The following PLPP4 variants were observed in gnomAD, a reference collection of about 807,000 sequenced individuals.
PLPP4 encodes phospholipid phosphatase 4.
In PLPP4, 20 loss-of-function variants were observed where a neutral mutation model predicts 32.2. The ratio of observed to expected loss-of-function variants is 0.62; its 90% confidence interval spans 0.44 to 0.90. The LOEUF (loss-of-function observed/expected upper bound fraction) is 0.90, where lower values mean the gene tolerates loss of function less well. PLPP4 is among the 40% of genes least tolerant of loss of function. The pLI is 0.00. For missense variants in PLPP4, 257 were observed against 353.1 expected (o/e 0.73, Z 2.18); for synonymous variants, 127 against 133.0 (o/e 0.95, Z 0.31).
chr10:120,523,960 C>T (rs148976662), intron 5 of PLPP4, among the ~76,000 whole-genome samples: 1 of 152,324 alleles, frequency 6.6e-6, no homozygotes, highest in Non-Finnish European at 1.5e-5. Flanking sequence ...CGCACCCTCC[C>T]CTCCAACCAG....
At chr10:120,532,407 A>G (rs1846781870) in intron 5 of PLPP4, among the ~76,000 whole-genome samples, 2 of 152,208 alleles carry the variant, frequency 1.3e-5, no homozygotes, top group Non-Finnish European at 2.9e-5. Flanking sequence ...ATAGCATTAT[A>G]TTAGATCTTG....
At chr10:120,493,426 G>A (rs1335620321) in intron 1 of PLPP4, among the ~76,000 whole-genome samples, 1 of 152,198 alleles carries the variant, frequency 6.6e-6, no homozygotes, top group East Asian at 1.9e-4. Context: ...TGTGGTTCCA[G>A]TGTCAGGGGC....
chr10:120,551,255 A>C (rs1455380591), intron 5 of PLPP4, among the ~76,000 whole-genome samples: 3 of 152,210 alleles, frequency 2.0e-5, no homozygotes, highest in Admixed American at 6.5e-5. Flanking sequence ...TATGGATTTA[A>C]GTGTAATTCT....
At chr10:120,575,050 G>A (rs77673052) in intron 5 of PLPP4, 81 bp from the exon 6 acceptor site, 71,139 of 1,474,456 alleles carry the variant, frequency 0.048, 2,166 homozygotes, top group Admixed American at 0.13. Flanking sequence ...TGTGCAAGAC[G>A]GCAGACGGAA....
intron 5 of PLPP4, among the ~76,000 whole-genome samples, chr10:120,558,451 C>G (rs1848265189): frequency 7.0e-6 from 1 of 142,638 alleles, no homozygotes; most frequent in African/African-American, 2.6e-5. Context: ...CTCTGTCACT[C>G]AGACTGGAGT....
chr10:120,511,305 G>A (rs1338595956), intron 2 of PLPP4, among the ~76,000 whole-genome samples: 1 of 152,076 alleles, frequency 6.6e-6, no homozygotes, highest in Non-Finnish European at 1.5e-5. Context: ...GATCCTGAGC[G>A]CCTCCCACCT....
intron 1 of PLPP4, among the ~76,000 whole-genome samples, chr10:120,470,619 G>A (rs1848473738): frequency 6.6e-6 from 1 of 152,114 alleles, no homozygotes; most frequent in African/African-American, 2.4e-5. Flanking sequence ...CAAATGGTTT[G>A]TCGGTTATGG....
chr10:120,468,658 A>G (rs1386665093), intron 1 of PLPP4, among the ~76,000 whole-genome samples: 1 of 65,578 alleles, frequency 1.5e-5, no homozygotes, highest in African/African-American at 3.2e-5. Context: ...GGAGAGGCCA[A>G]TGAAATATTC....
At chr10:120,581,221 ATCCT>A in intron 6 of PLPP4, 2 of 985,350 alleles carry the variant, frequency 2.0e-6, no homozygotes, top group Non-Finnish European at 2.4e-6. Context: ...TCTCACTGGC[ATCCT>A]TCCTTTGTTT....
intron 1 of PLPP4, among the ~76,000 whole-genome samples, chr10:120,464,512 G>C (rs1408002722): frequency 6.6e-6 from 1 of 152,134 alleles, no homozygotes; most frequent in Non-Finnish European, 1.5e-5. Context: ...GGCCTCAAAA[G>C]TGAGGGATGT....
At chr10:120,502,752 G>A (rs1845319512) in intron 1 of PLPP4, among the ~76,000 whole-genome samples, 1 of 152,206 alleles carries the variant, frequency 6.6e-6, no homozygotes, top group Non-Finnish European at 1.5e-5. Context: ...AACTGTTCTG[G>A]TTTGCTCAAG....
intron 1 of PLPP4, among the ~76,000 whole-genome samples, chr10:120,493,707 G>A (rs1485213255): frequency 6.6e-6 from 1 of 152,080 alleles, no homozygotes; most frequent in Non-Finnish European, 1.5e-5. Context: ...TAGAGTACGT[G>A]TTTTCATTGT....
intron 1 of PLPP4, among the ~76,000 whole-genome samples, chr10:120,471,435 A>C (rs1848513199): frequency 6.6e-6 from 1 of 151,854 alleles, no homozygotes; most frequent in Non-Finnish European, 1.5e-5. Context: ...ATTTCTAATT[A>C]GTATTCTTAA....
rs567463142 is a variant in PLPP4 at position 120,577,885 on chromosome 10, G to T, written c.616+2584G>T. On this transcript the variant is annotated intron_variant, in intron 6 of 6. Transcript: ENST00000398250. ...GTTCCCCTTCATGAGGCTATCTGCC[G>T]CTGTCCACACCAGTTGTTTTCAATC... Among the ~76,000 whole-genome samples the T allele has an allele frequency of 2.7e-4, 41 of 152,146 alleles. 1 individual carries two copies. The highest frequency in any genetic ancestry group is 5.6e-4 in the Non-Finnish European group (38 of 68,042).
intron 4 of PLPP4, among the ~76,000 whole-genome samples, chr10:120,520,196 T>A (rs1846093339): frequency 6.6e-6 from 1 of 152,134 alleles, no homozygotes; most frequent in Non-Finnish European, 1.5e-5. Context: ...GGGCCACCCC[T>A]ATGTGCCTCT....
At chr10:120,542,463 C>T (rs1418158963) in intron 5 of PLPP4, among the ~76,000 whole-genome samples, 1 of 152,134 alleles carries the variant, frequency 6.6e-6, no homozygotes, top group Non-Finnish European at 1.5e-5. Context: ...GGATAGTTGT[C>T]CTAAAAAGTT....
chr10:120,472,660 C>A (rs1438218995), intron 1 of PLPP4, among the ~76,000 whole-genome samples: 1 of 151,990 alleles, frequency 6.6e-6, no homozygotes, highest in Non-Finnish European at 1.5e-5. Context: ...TTTATTTTAT[C>A]CAATATTTCT....
At chr10:120,473,490 C>G (rs1843754507) in intron 1 of PLPP4, among the ~76,000 whole-genome samples, 1 of 152,132 alleles carries the variant, frequency 6.6e-6, no homozygotes, top group African/African-American at 2.4e-5. Context: ...TTACTTTCCA[C>G]TGGGGTTCTT....
At chr10:120,556,529 G>A in intron 5 of PLPP4, among the ~76,000 whole-genome samples, 1 of 152,186 alleles carries the variant, frequency 6.6e-6, no homozygotes, top group African/African-American at 2.4e-5. Context: ...CATGATAGAA[G>A]AAATGCAGAA....
Sources: allele counts gnomAD v4.1 joint callset (sites outside exome capture counted in the v4.1 genomes callset), GRCh38; gene constraint gnomAD v4.1.1; transcripts MANE v1.5; gene names NCBI Gene and HGNC (gene_info 2026-07-23, HGNC 2026-07-21).